GSPT1: variants seen among roughly 807,000 people sequenced by gnomAD.
GSPT1 encodes the protein eukaryotic peptide chain release factor GTP-binding subunit ERF3A.
GSPT1 carries 20 observed loss-of-function variants against 72.5 expected under a neutral mutation model. The ratio of observed to expected loss-of-function variants is 0.28; its 90% CI spans 0.19 to 0.40. The LOEUF is 0.40. Among genes scored for constraint, GSPT1 ranks in the 10% least tolerant of loss-of-function variants. The pLI, the probability that GSPT1 is intolerant of heterozygous loss-of-function variation, is 1.00. For synonymous variants in GSPT1, 334 were observed against 293.5 expected (o/e 1.14, Z -1.41); for missense variants, 580 against 811.9 (o/e 0.71, Z 3.47).
Position 11,915,410 on chromosome 16 carries a change from G to T in GSPT1, c.311C>A (p.Ala104Asp). 2 of 1,509,060 alleles carry T rather than the reference G, an allele frequency of 1.3e-6. No individual in the cohort carries two copies. The highest frequency in any genetic ancestry group is 2.8e-5 in the East Asian group (1 of 35,352). 93.5% of individuals were successfully genotyped at this position (1,509,060 alleles called of 1,614,324 possible). A position where few individuals can be genotyped will look rare whatever the true frequency, so the allele number is the denominator to read the frequency against. The change falls in exon 1 of 15, where the codon GCC becomes GAC. Residue 104 changes from alanine to aspartate, a missense_variant. Ala to Asp is a moderately radical substitution (Grantham distance 126, BLOSUM62 -2). Coordinates refer to ENST00000434724, the MANE Select transcript of GSPT1 (RefSeq NM_002094.4). The stretch of plus-strand genomic sequence containing the variant: ...GCCGCTGCCGGCTCCGTGGTTATTG[G>T]CGGCGCCGCCAACTGGGGGTGGCGG... ...AAPPPPVGGAANNHGAGSGAG... is the reference protein window; with the variant it reads ...AAPPPPVGGADNNHGAGSGAG...
At chr16:11,891,723 C>T (rs1195956158) in intron 5 of GSPT1, among the ~76,000 whole-genome samples, 4 of 141,244 alleles carry the variant, frequency 2.8e-5, no homozygotes, top group Non-Finnish European at 4.5e-5. Flanking sequence ...AGTGCAGTGG[C>T]GTGATCTCAG....
intron 1 of GSPT1, chr16:11,909,059 G>A (rs1369581652): frequency 6.7e-6 from 1 of 149,514 alleles, no homozygotes; most frequent in African/African-American, 2.4e-5. Flanking sequence ...TATTCAACCA[G>A]GAAATTACCC....
At chr16:11,882,646 C>A (rs773810211) in intron 11 of GSPT1, 1 of 163,870 alleles carries the variant, frequency 6.1e-6, no homozygotes, top group South Asian at 1.7e-4. Flanking sequence ...ATCTCAGCAA[C>A]TGAACAGTCA....
chr16:11,896,090 T>A (rs1490971389), intron 4 of GSPT1, among the ~76,000 whole-genome samples: 2 of 152,242 alleles, frequency 1.3e-5, no homozygotes. Flanking sequence ...CTGAGTAAAT[T>A]AAATAAATTT....
intron 4 of GSPT1, among the ~76,000 whole-genome samples, chr16:11,896,312 A>G (rs1398451770): frequency 6.6e-6 from 1 of 152,238 alleles, no homozygotes; most frequent in Non-Finnish European, 1.5e-5. Context: ...TAGACTAATT[A>G]TATGTTACGT....
At chr16:11,883,741 C>T (rs564663401) in intron 10 of GSPT1, among the ~76,000 whole-genome samples, 347 of 151,768 alleles carry the variant, frequency 2.3e-3, no homozygotes, top group African/African-American at 7.3e-3. Flanking sequence ...GGTGAAACCC[C>T]GTCTTTACTA....
At position 11,915,713 on chromosome 16, in the gene GSPT1, G is replaced by A. The variant is rs2054627432; in HGVS notation, c.8C>T (p.Pro3Leu). 2.0e-6 allele frequency: 3 copies of A among 1,501,758 alleles called. No homozygotes were observed. The highest frequency in any genetic ancestry group is 2.6e-6 in the Non-Finnish European group (3 of 1,132,378). The allele number at this position is 1,501,758 out of a possible 1,614,324, so 93.0% of individuals were successfully genotyped here. A position where few individuals can be genotyped will look rare whatever the true frequency, so the allele number is the denominator to read the frequency against. ...GCCGCCGCCGCCGCCGCCACTGCCC[G>A]GATCCATGATCGGGGGGGCCGTGTG... MD[P>L]GSGGGGGGGG... Residue 3 changes from proline (P) to leucine (L), a missense_variant, in exon 1 of 15, where the codon CCG becomes CTG. Pro to Leu is a moderately conservative substitution (Grantham distance 98). This residue lies in a region of GSPT1 where 327 missense variants were observed against 298.8 expected (regional missense o/e 1.09). Transcript: ENST00000434724.
At chr16:11,892,517 A>AAAATAATAAAAAAT (rs1199617489) in intron 5 of GSPT1, among the ~76,000 whole-genome samples, 3 of 124,258 alleles carry the variant, frequency 2.4e-5, no homozygotes, top group Admixed American at 9.6e-5. Context: ...AAAAAAACAA[A>AAAATAATAAAAAAT]AAAAACAAAA....
rs890378491 is a variant in GSPT1, at chr16:11,915,548, C to A, written c.173G>T (p.Arg58Leu). 4.0e-6 allele frequency: 6 copies of A among 1,498,296 alleles called. No homozygotes were observed. In the South Asian group the frequency reaches 5.0e-5, roughly 13 times the overall value. 92.8% of individuals were successfully genotyped at this position (1,498,296 alleles called of 1,614,324 possible). Residue 58 changes from arginine to leucine, a missense_variant, in exon 1 of 15, where the codon CGG becomes CTG. This residue lies in a region of GSPT1 where 327 missense variants were observed against 298.8 expected (regional missense o/e 1.09). Coordinates refer to ENST00000434724, the MANE Select transcript of GSPT1 (RefSeq NM_002094.4). ...GCTGAAGGCCGCGCTGAGGTTCTCC[C>A]GCTGGGCCTCGGCCGCCGCCGCCAG... ...GSLAAAAEAQ[R>L]ENLSAAFSRQ...
chr16:11,885,206 C>G lies in GSPT1; in HGVS notation c.1322G>C (p.Arg441Thr). 1 of 1,588,390 alleles carries G rather than the reference C, an allele frequency of 6.3e-7. No homozygotes were observed. ...NFNRSVDGPI[R>T]LPIVDKYKDM... ...CTTGTACTTATCCACAATTGGCAGC[C>G]TGATTGGTCCATCAACTGATCTATT... Residue 441 changes from arginine to threonine, a missense_variant, in exon 10 of 15, where the codon AGG becomes ACG. Coordinates refer to ENST00000434724, the MANE Select transcript of GSPT1 (RefSeq NM_002094.4).
At chr16:11,896,867 A>C (rs2141302340) in intron 3 of GSPT1, 82 bp from the exon 4 acceptor site, 1 of 924,628 alleles carries the variant, frequency 1.1e-6, no homozygotes, top group Admixed American at 2.3e-5. Flanking sequence ...AAAACAACAA[A>C]TGGAAGTTTG....
At position 11,887,652 on chromosome 16, in the gene GSPT1, A is replaced by T; in HGVS notation, c.875T>A (p.Phe292Tyr). 1 of 1,613,694 alleles carries T rather than the reference A, an allele frequency of 6.2e-7. No individual in the cohort carries two copies. Among genetic ancestry groups the T allele is most frequent in the Non-Finnish European group, 8.5e-7 (1 of 1,179,608 alleles). ...GTGGCCAGGGGCATCTAGAATTGTG[A>T]AATGCTTCTTTTCGGTTTCAAAATA... is the stretch of plus-strand genomic sequence containing the variant. Reference protein sequence around the residue: ...RAYFETEKKHFTILDAPGHKS... With the variant: ...RAYFETEKKHYTILDAPGHKS... The change falls in exon 7 of 15, where the codon TTC (phenylalanine) becomes TAC (tyrosine). Residue 292 changes from phenylalanine (F) to tyrosine (Y), a missense_variant. By Grantham distance (22) the Phe-to-Tyr change is conservative. Coordinates refer to ENST00000434724, the MANE Select transcript of GSPT1 (RefSeq NM_002094.4).
intron 14 of GSPT1, among the ~76,000 whole-genome samples, chr16:11,874,964 G>A (rs896097623): frequency 6.6e-6 from 1 of 152,236 alleles, no homozygotes; most frequent in Admixed American, 6.5e-5. Flanking sequence ...GGCCAAGGCG[G>A]GCGGATCACG....
At chr16:11,887,833 GA>G in intron 6 of GSPT1, 83 bp from the exon 7 acceptor site, 4 of 912,286 alleles carry the variant, frequency 4.4e-6, no homozygotes, top group Non-Finnish European at 6.9e-6. Flanking sequence ...AGATATAATG[GA>G]TGACACACAA....
chr16:11,890,984 T>G (rs2141292451), intron 6 of GSPT1, 78 bp downstream of exon 6: 4 of 686,650 alleles, frequency 5.8e-6, no homozygotes. Context: ...CAATTTATAT[T>G]TTAACAGGCT....
Position 11,875,841 on chromosome 16 carries a change from C to T in GSPT1, c.1781G>A (p.Arg594His), listed in dbSNP as rs1362239987. The T allele has an allele frequency of 1.2e-6, 2 of 1,613,396 alleles. No homozygotes were observed. Among genetic ancestry groups the T allele is most frequent in the African/African-American group, 1.3e-5 (1 of 74,864 alleles). Residue 594 changes from arginine (R) to histidine (H), a missense_variant, in exon 14 of 15, where the codon CGC (arginine) becomes CAC (histidine). Around this residue, in one of 6 missense-constraint regions of GSPT1, gnomAD observed 120 missense variants for 242.5 expected, o/e 0.49. Transcript: ENST00000434724. Reference protein sequence around the residue: ...FVKQDQVCIARLRTAGTICLE... With the variant: ...FVKQDQVCIAHLRTAGTICLE... The stretch of plus-strand genomic sequence containing the variant: ...GCAGATGGTTCCTGCTGTCCTTAAG[C>T]GAGCAATGCATACTTGATCTTGTTT...
intron 6 of GSPT1, among the ~76,000 whole-genome samples, chr16:11,889,036 C>A (rs2054220171): frequency 6.6e-6 from 1 of 152,230 alleles, no homozygotes; most frequent in South Asian, 2.1e-4. Flanking sequence ...TGGATGGATG[C>A]TGTGGCTCAC....
intron 5 of GSPT1, among the ~76,000 whole-genome samples, chr16:11,893,816 G>C (rs1018166652): frequency 6.6e-6 from 1 of 151,952 alleles, no homozygotes; most frequent in African/African-American, 2.4e-5. Context: ...GCCTGTCTTA[G>C]AGTCTCTGTT....
chr16:11,897,777 C>G, intron 3 of GSPT1, 63 bp downstream of exon 3: 1 of 826,914 alleles, frequency 1.2e-6, no homozygotes, highest in Non-Finnish European at 2.0e-6. Context: ...CATAATGCAC[C>G]TTAAATCTTG....
Sources: allele counts gnomAD v4.1 joint callset (sites outside exome capture counted in the v4.1 genomes callset), GRCh38; gene constraint gnomAD v4.1.1; regional missense constraint gnomAD v4.1.1; transcripts MANE v1.5; gene names NCBI Gene and HGNC (gene_info 2026-07-23, HGNC 2026-07-21).